Variants in FTCD observed in about 807,000 individuals in gnomAD.
FTCD encodes the protein formimidoyltransferase-cyclodeaminase.
A neutral mutation model predicts 62.9 loss-of-function variants in FTCD; 76 were observed. The ratio of observed to expected loss-of-function variants is 1.21; its 90% confidence interval spans 1.00 to 1.46. FTCD has a LOEUF of 1.46. Among genes scored for constraint, FTCD ranks in the 40% most tolerant of loss-of-function variants. FTCD has a pLI of 0.00. For missense variants in FTCD, 845 were observed against 751.3 expected, an observed-to-expected ratio of 1.12 and a Z score of -1.46; for synonymous variants, 397 against 336.9, an observed-to-expected ratio of 1.18 and a Z score of -1.95.
At chr21:46,150,903 T>C (rs2079256076) in intron 5 of FTCD, among the ~76,000 whole-genome samples, 1 of 152,242 alleles carries the variant, frequency 6.6e-6, no homozygotes, top group African/African-American at 2.4e-5. Context: ...AGCCCCGCAC[T>C]TGTCGGGGTG....
chr21:46,152,852 TAACCCACACC>T, intron 3 of FTCD, 45 bp downstream of exon 3: 1 of 1,317,648 alleles, frequency 7.6e-7, no homozygotes. Context: ...AAGGAGCCAA[TAACCCACACC>T]AATGAGACGG....
rs189029774 is a variant in FTCD, at chr21:46,142,305, G to A, written c.1260+3112C>T. 151 of 150,704 alleles carry A rather than the reference G, an allele frequency of 1.0e-3. 1 individual carries two copies. Among genetic ancestry groups the A allele is most frequent in the African/African-American group, 3.6e-3 (146 of 40,740 alleles). The allele number at this position is 150,704 out of a possible 1,614,324, so 9.3% of individuals were successfully genotyped here. ...TCTTACAGGTGGCGCGTCGGGAGCT[G>A]TTTCTTCCTCCCGGTGAGGCCGCAG... On this transcript the variant is annotated intron_variant, in intron 10 of 13. Transcript: ENST00000397746.
intron 10 of FTCD, among the ~76,000 whole-genome samples, chr21:46,139,741 G>A (rs2078953043): frequency 6.6e-6 from 1 of 152,238 alleles, no homozygotes; most frequent in South Asian, 2.1e-4. Context: ...CTCCCTGACT[G>A]GCTGGGGCAT....
At chr21:46,142,669 A>T (rs1286473028) in intron 10 of FTCD, 2 of 152,082 alleles carry the variant, frequency 1.3e-5, no homozygotes, top group Non-Finnish European at 1.5e-5. Flanking sequence ...GCAAAAGAAC[A>T]AAGCCCCCAC....
chr21:46,152,724 G>A (rs920152059), intron 3 of FTCD, 183 bp downstream of exon 3: 16 of 569,510 alleles, frequency 2.8e-5, no homozygotes, highest in Non-Finnish European at 3.9e-5. Context: ...GGGCCTGCAC[G>A]GCCGCAGGCG....
chr21:46,145,918 C>A lies in FTCD; in HGVS notation c.998G>T (p.Arg333Leu). The A allele has an allele frequency of 6.7e-7, 1 of 1,502,210 alleles. No individual in the cohort carries two copies. The highest frequency in any genetic ancestry group is 8.8e-7 in the Non-Finnish European group (1 of 1,132,616). The allele number at this position is 1,502,210 out of a possible 1,614,324, so 93.1% of individuals were successfully genotyped here. Residue 333 changes from arginine (R) to leucine (L), a missense_variant, in exon 9 of 14, where the codon CGA (arginine) becomes CTA (leucine). Physicochemically the swap from Arg to Leu is moderately radical, Grantham distance 102 (BLOSUM62 -2). Coordinates refer to ENST00000397746, the MANE Select transcript of FTCD (RefSeq NM_206965.2). ...GCGCAGGGACTTGCTGCCCAGGCCT[C>A]GCTCAGGCCCGCGCTCAGGGACCAG... The part of the protein sequence containing the change: ...EYLVPERGPE[R>L]GLGSKSLRAF...
rs545214029 is a variant in FTCD, at chr21:46,145,511, G to C, written c.1166C>G (p.Thr389Arg). ...GGGCGGGATCAGGCGCCGCATCGTC[G>C]TGTCCAGGGACTGGAATTGGCGCCG... ...YGRRQFQSLDTTMRRLIPPFR... is the reference protein window; with the variant it reads ...YGRRQFQSLDRTMRRLIPPFR... The change falls in exon 10 of 14, where the codon ACG becomes AGG. Residue 389 changes from threonine (T) to arginine (R), a missense_variant. Thr to Arg is a moderately conservative substitution (Grantham distance 71). Coordinates refer to ENST00000397746, the MANE Select transcript of FTCD (RefSeq NM_206965.2). 1.0e-5 allele frequency: 16 copies of C among 1,550,822 alleles called. No homozygotes were observed. The Admixed American group carries it at 1.2e-4, about 11-fold the overall frequency.
At chr21:46,143,722 C>T (rs965402757) in intron 10 of FTCD, among the ~76,000 whole-genome samples, 2 of 152,270 alleles carry the variant, frequency 1.3e-5, no homozygotes, top group East Asian at 3.9e-4. Flanking sequence ...TCTGGGAAGG[C>T]GCCCGTTACC....
Position 46,136,923 on chromosome 21 carries a change from C to T in FTCD, c.*64G>A. ...ACAAGCTGTGTCCCCACCGAGGTCA[C>T]AGCTCTGCCCTCTGGGGATGGGCGA... is the stretch of plus-strand genomic sequence containing the variant. On this transcript the variant is annotated 3_prime_UTR_variant, in exon 14 of 14. Coordinates refer to ENST00000397746, the MANE Select transcript of FTCD (RefSeq NM_206965.2). 3.7e-6 allele frequency: 6 copies of T among 1,610,328 alleles called. No homozygotes were observed. The highest frequency in any genetic ancestry group is 5.1e-6 in the Non-Finnish European group (6 of 1,178,938).
Position 46,138,602 on chromosome 21 carries a change from A to G in FTCD, c.1349T>C (p.Val450Ala), listed in dbSNP as rs1404630880. 8.8e-6 allele frequency: 14 copies of G among 1,592,038 alleles called. No homozygotes were observed. Among genetic ancestry groups the G allele is most frequent in the Non-Finnish European group, 1.1e-5 (13 of 1,176,222 alleles). Reference sequence around the variant, plus strand: ...CACCGTCTCCGCCAGCGTCAGCGGCACAGAGACTGCCCGCCTCAGACCCTC... The same window carrying G: ...CACCGTCTCCGCCAGCGTCAGCGGCGCAGAGACTGCCCGCCTCAGACCCTC... ...LQEGLRRAVS[V>A]PLTLAETVAS... The change falls in exon 12 of 14, where the codon GTG (valine) becomes GCG (alanine). Residue 450 changes from valine to alanine, a missense_variant. Physicochemically the swap from Val to Ala is moderately conservative, Grantham distance 64. Transcript: ENST00000397746.
At chr21:46,138,383 G>A (rs1179410891) in intron 12 of FTCD, 125 bp downstream of exon 12, 4 of 895,432 alleles carry the variant, frequency 4.5e-6, no homozygotes, top group Non-Finnish European at 5.2e-6. Flanking sequence ...CCCGGGAACT[G>A]CCCGTGAAGT....
intron 4 of FTCD, 67 bp from the exon 5 acceptor site, chr21:46,151,804 G>C: frequency 6.3e-7 from 1 of 1,592,818 alleles, no homozygotes; most frequent in Non-Finnish European, 8.6e-7. Flanking sequence ...GGGGTCCCGG[G>C]AAGGAGGGGC....
rs2079146073 is a variant in FTCD at position 46,146,295 on chromosome 21, G to T, written c.939C>A (p.Cys313Ter). The T allele has an allele frequency of 6.2e-7, 1 of 1,605,228 alleles. No individual in the cohort carries two copies. Among genetic ancestry groups the T allele is most frequent in the Non-Finnish European group, 8.5e-7 (1 of 1,175,898 alleles). Residue 313 changes from cysteine (C) to a stop codon, truncating the protein, a stop_gained, in exon 8 of 14, where the codon TGC becomes TGA. Coordinates refer to ENST00000397746, the MANE Select transcript of FTCD (RefSeq NM_206965.2). LOFTEE classifies it high-confidence loss of function. ...VVSRLGLDSL[C>*]PFSPKERIIE... ...TGATCCGCTCCTTAGGGCTGAAGGGGCACAGGGAGTCCAGGCCCAGCCGGC... is the reference window on the plus strand; with the variant it reads ...TGATCCGCTCCTTAGGGCTGAAGGGTCACAGGGAGTCCAGGCCCAGCCGGC...
At position 46,151,995 on chromosome 21, in the gene FTCD, G is replaced by A. The variant is rs368792878; in HGVS notation, c.368-15C>T. The A allele has an allele frequency of 3.2e-4, 491 of 1,547,766 alleles. 2 individuals are homozygous for A. The highest frequency in any genetic ancestry group is 3.4e-4 in the Middle Eastern group (2 of 5,954). On this transcript the variant is annotated splice_polypyrimidine_tract_variant and intron_variant, in intron 3 of 13. Coordinates refer to ENST00000397746, the MANE Select transcript of FTCD (RefSeq NM_206965.2). ...GTACAGGTAAACTGCAGGAGAGCCC[G>A]GCGGTCAGGCCTGGACCGGCAGGGG...
At position 46,138,605 on chromosome 21, in the gene FTCD, G is replaced by A. The variant is rs894147280; in HGVS notation, c.1346C>T (p.Ser449Phe). 1.3e-6 allele frequency: 2 copies of A among 1,592,162 alleles called. No homozygotes were observed. Among genetic ancestry groups the A allele is most frequent in the East Asian group, 2.2e-5 (1 of 44,570 alleles). Residue 449 changes from serine (S) to phenylalanine (F), a missense_variant, in exon 12 of 14, where the codon TCT becomes TTT. Physicochemically the swap from Ser to Phe is radical, Grantham distance 155 (BLOSUM62 -2). Transcript: ENST00000397746. The stretch of plus-strand genomic sequence containing the variant: ...CGTCTCCGCCAGCGTCAGCGGCACA[G>A]AGACTGCCCGCCTCAGACCCTCCTG... ...ALQEGLRRAV[S>F]VPLTLAETVA...
rs551302966 is a variant in FTCD at position 46,146,406 on chromosome 21, C to T, written c.907-79G>A. Reference sequence around the variant, plus strand: ...AAGCCTCGGAACCCGCGGGTCCCACCCTTGCGGCAGCCGCCCCCTGCCCCG... The same window carrying T: ...AAGCCTCGGAACCCGCGGGTCCCACTCTTGCGGCAGCCGCCCCCTGCCCCG... On this transcript the variant is annotated intron_variant, in intron 7 of 13. Coordinates refer to ENST00000397746, the MANE Select transcript of FTCD (RefSeq NM_206965.2). The T allele has an allele frequency of 1.1e-5, 11 of 996,078 alleles. No homozygotes were observed. In the South Asian group the frequency reaches 1.2e-4, roughly 11 times the overall value. The allele number at this position is 996,078 out of a possible 1,614,324, so 61.7% of individuals were successfully genotyped here. A position where few individuals can be genotyped will look rare whatever the true frequency, so the allele number is the denominator to read the frequency against.
At chr21:46,141,344 G>A (rs2079001670) in intron 10 of FTCD, among the ~76,000 whole-genome samples, 1 of 151,552 alleles carries the variant, frequency 6.6e-6, no homozygotes, top group Non-Finnish European at 1.5e-5. Flanking sequence ...ACAGGGTCTT[G>A]GTGTGTGGTC....
chr21:46,146,395 G>A (rs2123535310), intron 7 of FTCD, 68 bp from the exon 8 acceptor site: 1 of 1,107,794 alleles, frequency 9.0e-7, no homozygotes, highest in South Asian at 1.3e-5. Flanking sequence ...CTCGGAACCC[G>A]CGGGTCCCAC....
chr21:46,144,385 TCTCC>T (rs1180548475), intron 10 of FTCD, among the ~76,000 whole-genome samples: 1 of 86,930 alleles, frequency 1.2e-5, no homozygotes, highest in African/African-American at 4.6e-5. Context: ...TCTCCCTCTC[TCTCC>T]CTCCCTCTCT....
Sources: gnomAD v4.1 joint callset for allele counts (sites outside exome capture counted in the v4.1 genomes callset) on GRCh38, gnomAD v4.1.1 for gene constraint, MANE v1.5 for transcripts, NCBI Gene and HGNC (gene_info 2026-07-23, HGNC 2026-07-21) for gene names.